Variants in NRF1 observed in about 807,000 individuals in gnomAD.
NRF1 encodes the protein alpha palindromic-binding protein.
NRF1 carries 5 observed loss-of-function variants against 58.5 expected under a neutral mutation model. That is an observed-to-expected ratio of 0.09 (90% CI 0.04 to 0.18). NRF1 has a LOEUF of 0.18. Ranked by LOEUF, NRF1 falls within the 10% of genes least tolerant of loss-of-function variation. The pLI, the probability that NRF1 is intolerant of heterozygous loss-of-function variation, is 1.00. For missense variants in NRF1, 288 were observed against 657.7 expected (o/e 0.44, Z 6.15); for synonymous variants, 224 against 246.7 (o/e 0.91, Z 0.86).
At chr7:129,619,903 T>G (rs556128463) in intron 1 of NRF1, among the ~76,000 whole-genome samples, 3 of 152,152 alleles carry the variant, frequency 2.0e-5, no homozygotes, top group African/African-American at 7.2e-5. Flanking sequence ...TTTCTGGTTC[T>G]GGGGTTTATA....
rs1804227913 is a variant in NRF1 at position 129,755,388 on chromosome 7, A to G, written c.*207A>G. 1 of 536,138 alleles carries G rather than the reference A, an allele frequency of 1.9e-6. No individual in the cohort carries two copies. Among genetic ancestry groups the G allele is most frequent in the Non-Finnish European group, 3.2e-6 (1 of 316,560 alleles). The allele number at this position is 536,138 out of a possible 1,614,324, so 33.2% of individuals were successfully genotyped here. A position where few individuals can be genotyped will look rare whatever the true frequency, so the allele number is the denominator to read the frequency against. Reference sequence around the variant, plus strand: ...TTTCTGGGATTGGTGAAGAAACTGCATTGTCAATTTCACTGTCCCAAAAAA... The same window carrying G: ...TTTCTGGGATTGGTGAAGAAACTGCGTTGTCAATTTCACTGTCCCAAAAAA... On this transcript the variant is annotated 3_prime_UTR_variant, in exon 11 of 11. Coordinates refer to ENST00000393232, the MANE Select transcript of NRF1 (RefSeq NM_005011.5). The surrounding 1 kb of genome is among the most constrained non-coding windows in gnomAD (Gnocchi z 5.8).
chr7:129,727,422 T>C (rs1803474829), intron 10 of NRF1, 57 bp downstream of exon 10: 2 of 1,521,590 alleles, frequency 1.3e-6, no homozygotes, highest in Non-Finnish European at 1.8e-6. Context: ...TAAACCTTCC[T>C]GACATGACTG....
intron 1 of NRF1, among the ~76,000 whole-genome samples, chr7:129,622,968 G>A (rs1356320658): frequency 1.3e-5 from 2 of 152,106 alleles, no homozygotes; most frequent in East Asian, 3.8e-4. Flanking sequence ...GACAGTTACA[G>A]ATCCATTTGT....
At chr7:129,705,940 TGAGAGAGA>T (rs34931265) in intron 5 of NRF1, among the ~76,000 whole-genome samples, 1 of 145,270 alleles carries the variant, frequency 6.9e-6, no homozygotes, top group Non-Finnish European at 1.5e-5. Flanking sequence ...GATCCGAGAG[TGAGAGAGA>T]GAGAGAGAGA....
intron 10 of NRF1, among the ~76,000 whole-genome samples, chr7:129,742,288 AAAAAC>A (rs1803864789): frequency 1.3e-5 from 2 of 151,538 alleles, no homozygotes; most frequent in Non-Finnish European, 2.9e-5. Context: ...AAAAAAAAAA[AAAAAC>A]AAAAAACTTT....
At chr7:129,671,254 A>AT (rs1417970205) in intron 2 of NRF1, among the ~76,000 whole-genome samples, 175 bp from the exon 3 acceptor site, 3 of 152,260 alleles carry the variant, frequency 2.0e-5, no homozygotes, top group Non-Finnish European at 2.9e-5. Context: ...TTGGTAAATC[A>AT]TAATATGAAT....
chr7:129,623,241 A>T (rs1352743133), intron 1 of NRF1, among the ~76,000 whole-genome samples: 2 of 152,186 alleles, frequency 1.3e-5, no homozygotes, highest in Non-Finnish European at 2.9e-5. Context: ...TTTGCAGGTT[A>T]GTTTCTGAAG....
intron 10 of NRF1, among the ~76,000 whole-genome samples, chr7:129,745,389 G>T (rs1803950267): frequency 1.3e-5 from 2 of 152,008 alleles, no homozygotes; most frequent in South Asian, 4.1e-4. Context: ...AAGCATCACC[G>T]CCCGAGCTCC....
chr7:129,715,241 A>C (rs563579599), intron 8 of NRF1, among the ~76,000 whole-genome samples: 53 of 152,248 alleles, frequency 3.5e-4, no homozygotes, highest in African/African-American at 1.2e-3. Flanking sequence ...CTGACTGGGG[A>C]GGGTGCTATT....
At position 129,611,820 on chromosome 7, in the gene NRF1, C is replaced by T. The variant is rs1234490124; in HGVS notation, c.-11C>T. On this transcript the variant is annotated 5_prime_UTR_variant, in exon 1 of 11. Transcript: ENST00000393232. ...GCAGGCCCACGGTAGCGCAGCCGCT[C>T]TGAGGTGAGTGCCCTACCGCGCAAT... 9.7e-6 allele frequency: 2 copies of T among 206,058 alleles called. No individual in the cohort carries two copies. Among genetic ancestry groups the T allele is most frequent in the Non-Finnish European group, 1.9e-5 (2 of 103,356 alleles). The allele number at this position is 206,058 out of a possible 1,614,324, so 12.8% of individuals were successfully genotyped here. A position where few individuals can be genotyped will look rare whatever the true frequency, so the allele number is the denominator to read the frequency against.
At chr7:129,674,515 G>A (rs1802131776) in intron 3 of NRF1, among the ~76,000 whole-genome samples, 1 of 152,070 alleles carries the variant, frequency 6.6e-6, no homozygotes, top group Non-Finnish European at 1.5e-5. Flanking sequence ...GCTCACTGCA[G>A]CCTCAATCTC....
At chr7:129,663,313 G>C (rs2151078784) in intron 2 of NRF1, among the ~76,000 whole-genome samples, 1 of 152,240 alleles carries the variant, frequency 6.6e-6, no homozygotes, top group South Asian at 2.1e-4. Context: ...CGGCCGAGCA[G>C]AGGCGCTCCC....
rs769394055 is a variant in NRF1, at chr7:129,742,489, C to CAG, written c.1349-12527_1349-12526dup. 2.8e-4 allele frequency among the ~76,000 whole-genome samples: 42 copies of CAG among 152,270 alleles called. 1 individual carries two copies. The highest frequency in any genetic ancestry group is 1.5e-3 in the South Asian group (7 of 4,822). On this transcript the variant is annotated intron_variant, in intron 10 of 10. Coordinates refer to ENST00000393232, the MANE Select transcript of NRF1 (RefSeq NM_005011.5). ...CTTATTCCCGTAGCACTGTAACATG[C>CAG]AGATACCTACACTGCATTGCTCTCA...
intron 1 of NRF1, among the ~76,000 whole-genome samples, chr7:129,613,379 A>C (rs969013266): frequency 1.3e-4 from 20 of 152,224 alleles, no homozygotes; most frequent in Admixed American, 5.2e-4. Flanking sequence ...CCCGTAAGAC[A>C]GTGAAAATAT....
intron 1 of NRF1, among the ~76,000 whole-genome samples, chr7:129,640,762 A>T (rs188943677): frequency 6.6e-6 from 1 of 152,242 alleles, no homozygotes; most frequent in East Asian, 1.9e-4. Context: ...CCAATTAGAG[A>T]TGTGACTTTG....
rs576776091 is a variant in NRF1, at chr7:129,621,813, C to T, written c.-7+9989C>T. ...TTTTTTTTTTTTTGAGATACTATCT[C>T]GCTCTGTCGCCCGGGCTGGAGTGCA... On this transcript the variant is annotated intron_variant, in intron 1 of 10. Transcript: ENST00000393232. Among the ~76,000 whole-genome samples, 7 of 141,128 alleles carry T rather than the reference C, an allele frequency of 5.0e-5. No homozygotes were observed. In the South Asian group the frequency reaches 1.1e-3, roughly 22 times the overall value. The allele number at this position is 141,128 out of a possible 152,430, so 92.6% of individuals were successfully genotyped here. A position where few individuals can be genotyped will look rare whatever the true frequency, so the allele number is the denominator to read the frequency against.
At chr7:129,734,843 C>T (rs1372466979) in intron 10 of NRF1, among the ~76,000 whole-genome samples, 1 of 152,212 alleles carries the variant, frequency 6.6e-6, no homozygotes, top group Non-Finnish European at 1.5e-5. Flanking sequence ...CCCCAGCAGA[C>T]GAGTTGTTTC....
intron 9 of NRF1, among the ~76,000 whole-genome samples, chr7:129,724,544 G>T (rs1803406785): frequency 6.6e-6 from 1 of 152,218 alleles, no homozygotes; most frequent in African/African-American, 2.4e-5. Context: ...ATATCCCAAA[G>T]AATTGAAAGC....
At chr7:129,632,326 A>G (rs1801067962) in intron 1 of NRF1, among the ~76,000 whole-genome samples, 1 of 152,148 alleles carries the variant, frequency 6.6e-6, no homozygotes, top group South Asian at 2.1e-4. Context: ...TTTACTCAGT[A>G]CTATAACCCC....
Sources: gnomAD v4.1 joint callset for allele counts (sites outside exome capture counted in the v4.1 genomes callset) on GRCh38, gnomAD v4.1.1 for gene constraint, Gnocchi (gnomAD v3.1) non-coding constraint, MANE v1.5 for transcripts, NCBI Gene and HGNC (gene_info 2026-07-23, HGNC 2026-07-21) for gene names.